OVCH2: variants seen among roughly 807,000 people sequenced by gnomAD.
OVCH2 encodes the protein ovochymase-2.
Under a neutral mutation model 73.7 loss-of-function variants are expected in OVCH2, and 88 were observed. The ratio of observed to expected loss-of-function variants is 1.19; its 90% CI spans 1.01 to 1.43. The LOEUF is 1.43. Ranked by LOEUF, OVCH2 falls within the 40% of genes most tolerant of loss-of-function variation. The pLI, the probability that OVCH2 is intolerant of heterozygous loss-of-function variation, is 0.00. For synonymous variants in OVCH2, 265 were observed against 234.5 expected (o/e 1.13, Z -1.19); for missense variants, 706 against 674.5 (o/e 1.05, Z -0.52).
In OVCH2 at chr11:7,696,755, T is replaced by G; in HGVS notation, c.970A>C (p.Lys324Gln). 3 of 1,612,740 alleles carry G rather than the reference T, an allele frequency of 1.9e-6. No homozygotes were observed. The highest frequency in any genetic ancestry group is 2.5e-6 in the Non-Finnish European group (3 of 1,179,430). Residue 324 changes from lysine to glutamine, a missense_variant, in exon 9 of 16, where the codon AAG (lysine) becomes CAG (glutamine). Coordinates refer to ENST00000533663, the MANE Select transcript of OVCH2 (RefSeq NM_198185.7). ...TGGAGGCTTTCTGGGAAGTGCAGCT[T>G]CCCCTCAGCCCCGCTGACTATGACA... The part of the protein sequence containing the change: ...QDVIVSGAEG[K>Q]LHFPESLHLY...
chr11:7,690,652 G>A (rs1590901592), intron 14 of OVCH2, among the ~76,000 whole-genome samples: 2 of 152,134 alleles, frequency 1.3e-5, no homozygotes, highest in Non-Finnish European at 2.9e-5. Context: ...TGTGAAGAGT[G>A]ACAAAAAATA....
the OVCH2 span, among the ~76,000 whole-genome samples, chr11:7,683,183 T>A: frequency 2.6e-5 from 4 of 152,350 alleles, no homozygotes; most frequent in African/African-American, 7.2e-5. Context: ...CACATTCATA[T>A]ATCCAACTGC....
the OVCH2 span, among the ~76,000 whole-genome samples, chr11:7,683,556 G>A: frequency 7.9e-4 from 120 of 152,198 alleles, no homozygotes; most frequent in African/African-American, 2.6e-3. Context: ...CAATACAATA[G>A]AAAGAGTGAT....
chr11:7,694,965 GA>G, intron 12 of OVCH2, 92 bp downstream of exon 12: 1 of 1,413,024 alleles, frequency 7.1e-7, no homozygotes, highest in Non-Finnish European at 9.6e-7. Context: ...ACACAGCAGT[GA>G]ATAAATCAGA....
In OVCH2 at chr11:7,691,387, G is replaced by C. The variant is rs1856217472; in HGVS notation, c.1521C>G (p.Gly507=). 6.2e-7 allele frequency: 1 copy of C among 1,612,896 alleles called. No individual in the cohort carries two copies. The highest frequency in any genetic ancestry group is 8.5e-7 in the Non-Finnish European group (1 of 1,179,370). Residue 507 remains glycine (G), a synonymous_variant, in exon 14 of 16, where the codon GGC becomes GGG. Coordinates refer to ENST00000533663, the MANE Select transcript of OVCH2 (RefSeq NM_198185.7). ...TCAGCACAGGGGTGGGGACATCATA[G>C]CCACACAGCCGAGCTTGTTGAAGGC... ...ERKKEIARLC[G]YDVPTPVLSP...
At chr11:7,686,125 C>G (rs1454464974), downstream of OVCH2, among the ~76,000 whole-genome samples, 1 of 152,182 alleles carries the variant, frequency 6.6e-6, no homozygotes, top group Non-Finnish European at 1.5e-5. Context: ...AATATACCCA[C>G]CTGAGAGGTA....
intron 10 of OVCH2, 124 bp downstream of exon 10, chr11:7,696,341 G>C: frequency 2.2e-5 from 30 of 1,359,010 alleles, no homozygotes; most frequent in Non-Finnish European, 2.8e-5. Context: ...CCAATTCTGA[G>C]TCTCAAAGCG....
At chr11:7,698,294 A>C (rs1856373012) in intron 8 of OVCH2, among the ~76,000 whole-genome samples, 1 of 152,210 alleles carries the variant, frequency 6.6e-6, no homozygotes, top group South Asian at 2.1e-4. Flanking sequence ...TTTGAACTAA[A>C]GTGTCTTAGA....
At position 7,698,832 on chromosome 11, in the gene OVCH2, A is replaced by T. The variant is rs1856382661; in HGVS notation, c.902-59T>A. 2.6e-6 allele frequency: 4 copies of T among 1,556,372 alleles called. No homozygotes were observed. In the Admixed American group the frequency reaches 7.0e-5, roughly 27 times the overall value. On this transcript the variant is annotated intron_variant, in intron 7 of 15. Coordinates refer to ENST00000533663, the MANE Select transcript of OVCH2 (RefSeq NM_198185.7). ...CTGTGGTATCCTGAACAACGCTTCA[A>T]GAAGTTAGCATCTTCTTGGCGCACA...
At chr11:7,695,886 C>A (rs1856323042) in intron 10 of OVCH2, among the ~76,000 whole-genome samples, 176 bp from the exon 11 acceptor site, 2 of 152,198 alleles carry the variant, frequency 1.3e-5, no homozygotes, top group Non-Finnish European at 2.9e-5. Context: ...TGCCATCCTG[C>A]ATCTTTTGTA....
chr11:7,699,492 A>G (rs1228257455), intron 7 of OVCH2: 1 of 152,268 alleles, frequency 6.6e-6, no homozygotes, highest in Non-Finnish European at 1.5e-5. Context: ...GCGATACCTA[A>G]GACAAAGTAA....
In OVCH2 at chr11:7,702,244, T is replaced by C; in HGVS notation, c.376A>G (p.Thr126Ala). 1 of 1,612,952 alleles carries C rather than the reference T, an allele frequency of 6.2e-7. No individual in the cohort carries two copies. Among genetic ancestry groups the C allele is most frequent in the Non-Finnish European group, 8.5e-7 (1 of 1,179,316 alleles). ...GAGAAATGTGGATGTATGATGACAG[T>C]TTCAATAGTGAGAGTTTGCTCTCCT... ...DPGEQTLTIETVIIHPHFSTK... is the reference protein window; with the variant it reads ...DPGEQTLTIEAVIIHPHFSTK... The change falls in exon 4 of 16, where the codon ACT (threonine) becomes GCT (alanine). Residue 126 changes from threonine (T) to alanine (A), a missense_variant. Transcript: ENST00000533663.
At chr11:7,684,052 C>A in the OVCH2 span, among the ~76,000 whole-genome samples, 1 of 150,522 alleles carries the variant, frequency 6.6e-6, no homozygotes, top group East Asian at 1.9e-4. Flanking sequence ...TATATTACTT[C>A]TTTGCTTATT....
At chr11:7,703,885 C>G in intron 2 of OVCH2, 96 bp from the exon 3 acceptor site, 1 of 920,742 alleles carries the variant, frequency 1.1e-6, no homozygotes, top group Non-Finnish European at 1.7e-6. Flanking sequence ...ACTCAGATAT[C>G]ACACTCGTAA....
At chr11:7,696,997 G>C in intron 8 of OVCH2, 198 bp from the exon 9 acceptor site, 1 of 577,518 alleles carries the variant, frequency 1.7e-6, no homozygotes. Context: ...GAGATTCTAT[G>C]ATTGGTTTTC....
At chr11:7,679,140 C>A in the OVCH2 span, among the ~76,000 whole-genome samples, 1 of 152,184 alleles carries the variant, frequency 6.6e-6, no homozygotes, top group South Asian at 2.1e-4. Context: ...TGCCCACAAC[C>A]TATGAATGCT....
chr11:7,696,471 G>T lies in OVCH2; in HGVS notation c.1135C>A (p.Pro379Thr). The T allele has an allele frequency of 6.2e-7, 1 of 1,613,998 alleles. No individual in the cohort carries two copies. Among genetic ancestry groups the T allele is most frequent in the South Asian group, 1.1e-5 (1 of 91,076 alleles). ...YLSMYSLEDRPIGKFCGESLP... is the reference protein window; with the variant it reads ...YLSMYSLEDRTIGKFCGESLP... Reference sequence around the variant, plus strand: ...ACTGTGAAAATCCACTCACCAATGGGTCTGTCTTCTAAAGAATACATTGAC... The same window carrying T: ...ACTGTGAAAATCCACTCACCAATGGTTCTGTCTTCTAAAGAATACATTGAC... Residue 379 changes from proline to threonine, a missense_variant, in exon 10 of 16, where the codon CCC (proline) becomes ACC (threonine). Physicochemically the swap from Pro to Thr is conservative, Grantham distance 38. Transcript: ENST00000533663.
intron 14 of OVCH2, among the ~76,000 whole-genome samples, chr11:7,690,642 T>A (rs576293573): frequency 1.3e-5 from 2 of 152,246 alleles, no homozygotes; most frequent in Admixed American, 6.5e-5. Context: ...TTCATAGGCA[T>A]GTGAAGAGTG....
intron 14 of OVCH2, 36 bp from the exon 15 acceptor site, chr11:7,690,049 C>T: frequency 7.4e-7 from 1 of 1,349,870 alleles, no homozygotes; most frequent in Non-Finnish European, 1.0e-6. Flanking sequence ...TCAGTTTCCA[C>T]AAAGACAGCC....
Sources: allele counts gnomAD v4.1 joint callset (sites outside exome capture counted in the v4.1 genomes callset), GRCh38; gene constraint gnomAD v4.1.1; transcripts MANE v1.5; gene names NCBI Gene and HGNC (gene_info 2026-07-23, HGNC 2026-07-21).